The following ROR2 variants were observed in gnomAD, a reference collection of about 807,000 sequenced individuals.
The protein encoded by ROR2 is ROR family WNT receptor 2, also known as tyrosine-protein kinase transmembrane receptor ROR2.
Under a neutral mutation model 74.9 loss-of-function variants are expected in ROR2, and 33 were observed. The ratio of observed to expected loss-of-function variants is 0.44; its 90% CI spans 0.33 to 0.59. The LOEUF (loss-of-function observed/expected upper bound fraction) is 0.59. Ranked by LOEUF, ROR2 falls within the 20% of genes least tolerant of loss-of-function variation. The probability of loss-of-function intolerance (pLI) is 0.02; values close to 1 mark genes in which losing one functional copy is unlikely to be tolerated. For missense variants in ROR2, 1,216 were observed against 1,313.8 expected, an observed-to-expected ratio of 0.93 and a Z score of 1.15; for synonymous variants, 586 against 558.7, an observed-to-expected ratio of 1.05 and a Z score of -0.69.
At chr9:91,880,950 A>G (rs1830090828) in intron 1 of ROR2, among the ~76,000 whole-genome samples, 1 of 152,158 alleles carries the variant, frequency 6.6e-6, no homozygotes, top group African/African-American at 2.4e-5. Flanking sequence ...CATCTGTTCT[A>G]ATTTTGTGAT....
chr9:91,763,925 T>C (rs1393324714), intron 2 of ROR2, among the ~76,000 whole-genome samples: 3 of 152,236 alleles, frequency 2.0e-5, no homozygotes, highest in Non-Finnish European at 4.4e-5. Flanking sequence ...TTCCTGAAGA[T>C]GGTCCACATA....
At chr9:91,760,252 C>T (rs545439152) in intron 2 of ROR2, among the ~76,000 whole-genome samples, 1 of 152,338 alleles carries the variant, frequency 6.6e-6, no homozygotes, top group Admixed American at 6.5e-5. Context: ...CCTTGCCTTT[C>T]CCCTCCCCAC....
At chr9:91,821,545 C>G (rs1024312993) in intron 1 of ROR2, among the ~76,000 whole-genome samples, 4 of 152,126 alleles carry the variant, frequency 2.6e-5, no homozygotes, top group Non-Finnish European at 5.9e-5. Context: ...CCCTGCCCCA[C>G]AGCTCCCCTC....
chr9:91,744,156 C>A (rs1825331136), intron 4 of ROR2, among the ~76,000 whole-genome samples: 3 of 150,348 alleles, frequency 2.0e-5, no homozygotes, highest in Non-Finnish European at 4.4e-5. Flanking sequence ...ATTGTTGTAT[C>A]CTCAATGTCT....
chr9:91,895,461 G>A (rs2119410674), intron 1 of ROR2, among the ~76,000 whole-genome samples: 1 of 152,268 alleles, frequency 6.6e-6, no homozygotes, highest in Admixed American at 6.5e-5. Flanking sequence ...ACACCACTCT[G>A]GTAGGGGATG....
intron 1 of ROR2, among the ~76,000 whole-genome samples, chr9:91,913,182 A>G (rs1483890321): frequency 6.6e-6 from 1 of 152,094 alleles, no homozygotes; most frequent in African/African-American, 2.4e-5. Flanking sequence ...AGCAGAGAGT[A>G]TACAATGGTA....
chr9:91,772,760 C>A (rs547290621), intron 2 of ROR2, among the ~76,000 whole-genome samples: 248 of 152,252 alleles, frequency 1.6e-3, no homozygotes, highest in African/African-American at 5.6e-3. Flanking sequence ...GGTTTTTAAA[C>A]CATTCACTTG....
At chr9:91,908,756 A>G (rs1012970341) in intron 1 of ROR2, among the ~76,000 whole-genome samples, 2 of 152,248 alleles carry the variant, frequency 1.3e-5, no homozygotes, top group African/African-American at 4.8e-5. Context: ...GAGATTTTAA[A>G]CATTCAGTAG....
chr9:91,772,271 C>T (rs981116695), intron 2 of ROR2, among the ~76,000 whole-genome samples: 1 of 152,230 alleles, frequency 6.6e-6, no homozygotes, highest in Non-Finnish European at 1.5e-5. Context: ...TCCTGTCCCG[C>T]TAAGAGTGCT....
chr9:91,835,229 T>C (rs1212158961), intron 1 of ROR2, among the ~76,000 whole-genome samples: 2 of 152,102 alleles, frequency 1.3e-5, no homozygotes, highest in Non-Finnish European at 2.9e-5. Context: ...AGCAGTGCCA[T>C]TTGCTAATGG....
At chr9:91,798,425 G>A (rs1827255667) in intron 1 of ROR2, among the ~76,000 whole-genome samples, 2 of 131,908 alleles carry the variant, frequency 1.5e-5, no homozygotes, top group African/African-American at 3.1e-5. Context: ...CTGTGGGTGG[G>A]GCTGACACCC....
intron 1 of ROR2, among the ~76,000 whole-genome samples, chr9:91,881,627 C>A (rs1398485255): frequency 6.6e-6 from 1 of 152,154 alleles, no homozygotes; most frequent in Admixed American, 6.5e-5. Context: ...CTTATTTATA[C>A]TATTTTTCTT....
intron 1 of ROR2, among the ~76,000 whole-genome samples, chr9:91,891,885 T>C (rs1158742949): frequency 6.6e-6 from 1 of 151,870 alleles, no homozygotes; most frequent in Non-Finnish European, 1.5e-5. Flanking sequence ...CTATCTCTAC[T>C]AAAAATACAA....
At chr9:91,744,505 G>T (rs546565558) in intron 4 of ROR2, among the ~76,000 whole-genome samples, 1 of 152,190 alleles carries the variant, frequency 6.6e-6, no homozygotes, top group Admixed American at 6.5e-5. Flanking sequence ...GATTACACGC[G>T]TGAGCCACCA....
chr9:91,939,706 AAAG>A (rs3083950), intron 1 of ROR2, among the ~76,000 whole-genome samples: 2,477 of 152,238 alleles, frequency 0.016, 56 homozygotes, highest in South Asian at 0.079. Flanking sequence ...TTACTGGAAA[AAAG>A]AAGAAGAGGG....
chr9:91,844,473 T>C (rs1035654342), intron 1 of ROR2, among the ~76,000 whole-genome samples: 12 of 152,208 alleles, frequency 7.9e-5, no homozygotes, highest in African/African-American at 2.9e-4. Context: ...TACTTCCTCC[T>C]GCCGTCCTCC....
At chr9:91,889,528 C>G (rs1830373697) in intron 1 of ROR2, among the ~76,000 whole-genome samples, 1 of 152,178 alleles carries the variant, frequency 6.6e-6, no homozygotes, top group Admixed American at 6.5e-5. Context: ...TCTGTGTGGA[C>G]CCGGACAGAC....
chr9:91,844,403 C>A (rs1356483855), intron 1 of ROR2, among the ~76,000 whole-genome samples: 1 of 152,152 alleles, frequency 6.6e-6, no homozygotes, highest in African/African-American at 2.4e-5. Context: ...GCCCAGGGAG[C>A]TGCCAGCCCC....
At chr9:91,815,227 A>T (rs1297983214) in intron 1 of ROR2, among the ~76,000 whole-genome samples, 1 of 152,194 alleles carries the variant, frequency 6.6e-6, no homozygotes. Context: ...TTCCATAATA[A>T]ATGATATGCA....
Sources: allele counts gnomAD v4.1 joint callset (sites outside exome capture counted in the v4.1 genomes callset), GRCh38; gene constraint gnomAD v4.1.1; transcripts MANE v1.5; gene names NCBI Gene and HGNC (gene_info 2026-07-23, HGNC 2026-07-21).